Variants in KYAT3 observed in about 807,000 individuals in gnomAD.
KYAT3 encodes the protein kynurenine aminotransferase 3.
A neutral mutation model predicts 59.0 loss-of-function variants in KYAT3; 50 were observed. The ratio of observed to expected loss-of-function variants is 0.85; its 90% CI spans 0.68 to 1.07. The LOEUF is 1.07. Ranked by LOEUF, KYAT3 falls within the 50% of genes least tolerant of loss-of-function variation. The pLI, the probability that KYAT3 is intolerant of heterozygous loss-of-function variation, is 0.00. For synonymous variants in KYAT3, 148 were observed against 177.0 expected, an observed-to-expected ratio of 0.84 and a Z score of 1.30; for missense variants, 497 against 533.3, an observed-to-expected ratio of 0.93 and a Z score of 0.67.
At chr1:88,986,307 C>T (rs1677452420) in intron 2 of KYAT3, among the ~76,000 whole-genome samples, 1 of 149,308 alleles carries the variant, frequency 6.7e-6, no homozygotes, top group South Asian at 2.1e-4. Flanking sequence ...AAATTTTAGA[C>T]TCTCTTAAAA....
At chr1:88,931,392 T>C (rs536602787), downstream of KYAT3, among the ~76,000 whole-genome samples, 7 of 152,306 alleles carry the variant, frequency 4.6e-5, no homozygotes, top group East Asian at 1.2e-3. Context: ...TAAGATCTAC[T>C]GCGGACCCCT....
intron 2 of KYAT3, among the ~76,000 whole-genome samples, chr1:88,979,246 ATTTC>A (rs2101073912): frequency 6.6e-6 from 1 of 152,256 alleles, no homozygotes; most frequent in East Asian, 1.9e-4. Context: ...CTCAGTTTGC[ATTTC>A]TTTACTTGAG....
chr1:88,951,996 T>C (rs1570786585), intron 10 of KYAT3, among the ~76,000 whole-genome samples: 1 of 152,150 alleles, frequency 6.6e-6, no homozygotes, highest in African/African-American at 2.4e-5. Flanking sequence ...GGAAATGTGT[T>C]GACGGAAGCA....
At chr1:88,925,716 AGAG>A in the KYAT3 span, among the ~76,000 whole-genome samples, 1 of 151,534 alleles carries the variant, frequency 6.6e-6, no homozygotes, top group Non-Finnish European at 1.5e-5. Context: ...GAGGAGAGAC[AGAG>A]GAGAGAGAGA....
intron 2 of KYAT3, chr1:88,982,462 C>T: frequency 9.4e-7 from 1 of 1,063,116 alleles, no homozygotes; most frequent in Non-Finnish European, 1.3e-6. Flanking sequence ...GTCATAAAGT[C>T]AAATAAAATT....
intron 2 of KYAT3, chr1:88,982,975 T>C: frequency 6.2e-7 from 1 of 1,613,646 alleles, no homozygotes; most frequent in Non-Finnish European, 8.5e-7. Context: ...AACTCTCATA[T>C]GAATCTCTGT....
chr1:88,984,135 G>T (rs1003774445), intron 2 of KYAT3: 3 of 311,708 alleles, frequency 9.6e-6, no homozygotes, highest in East Asian at 6.6e-5. Flanking sequence ...GATGCTTAAA[G>T]ATACATAAAA....
chr1:88,962,180 A>G, intron 5 of KYAT3, 35 bp from the exon 6 acceptor site: 1 of 1,409,926 alleles, frequency 7.1e-7, no homozygotes. Context: ...CAACCTGTCA[A>G]TCATTTATTC....
At chr1:88,982,512 T>TA in intron 2 of KYAT3, 1 of 1,288,402 alleles carries the variant, frequency 7.8e-7, no homozygotes, top group Non-Finnish European at 1.0e-6. Flanking sequence ...ACATAAAAAT[T>TA]ACGGAAGGGA....
intron 2 of KYAT3, 143 bp downstream of exon 2, chr1:88,988,109 C>T (rs1376556300): frequency 8.7e-6 from 5 of 572,726 alleles, no homozygotes; most frequent in Non-Finnish European, 1.6e-5. Context: ...CAATTCTAGT[C>T]AATGACAAGA....
chr1:88,972,846 A>T (rs1676603811), intron 2 of KYAT3, among the ~76,000 whole-genome samples: 1 of 152,248 alleles, frequency 6.6e-6, no homozygotes, highest in African/African-American at 2.4e-5. Context: ...AACAGCAGCA[A>T]ATAATTGTGA....
chr1:88,967,419 C>T (rs922868022), intron 4 of KYAT3, among the ~76,000 whole-genome samples: 17 of 151,636 alleles, frequency 1.1e-4, no homozygotes, highest in African/African-American at 3.1e-4. Flanking sequence ...AAAGTAATTG[C>T]GGTTTTTGTC....
intron 13 of KYAT3, among the ~76,000 whole-genome samples, chr1:88,937,330 GA>G (rs1675078891): frequency 6.6e-6 from 1 of 152,140 alleles, no homozygotes; most frequent in African/African-American, 2.4e-5. Context: ...CCTGAACCGG[GA>G]AAAGGGTATT....
Position 88,965,005 on chromosome 1 carries a change from C to A in KYAT3, c.304-27G>T, listed in dbSNP as rs375150395. On this transcript the variant is annotated intron_variant, in intron 4 of 13. Coordinates refer to ENST00000260508, the MANE Select transcript of KYAT3 (RefSeq NM_001008661.3). ...TGTTGGATTAAAAATAAGAACAAAA[C>A]CTTGAATTTAAATATGGGACCTACT... 128 of 1,572,254 alleles carry A rather than the reference C, an allele frequency of 8.1e-5. No individual in the cohort carries two copies. In the African/African-American group the frequency reaches 1.5e-3, roughly 19 times the overall value.
intron 2 of KYAT3, among the ~76,000 whole-genome samples, chr1:88,977,672 G>A (rs1676853559): frequency 6.6e-6 from 1 of 152,160 alleles, no homozygotes; most frequent in South Asian, 2.1e-4. Context: ...TATAGCATAA[G>A]TATACAATGT....
intron 8 of KYAT3, among the ~76,000 whole-genome samples, chr1:88,958,617 T>G (rs1346825517): frequency 1.3e-5 from 2 of 152,236 alleles, no homozygotes; most frequent in Admixed American, 6.5e-5. Context: ...TGATAGTGGA[T>G]GCTCCAATAG....
At chr1:88,961,056 AG>A in intron 8 of KYAT3, 110 bp downstream of exon 8, 1 of 998,198 alleles carries the variant, frequency 1.0e-6, no homozygotes, top group Non-Finnish European at 1.5e-6. Flanking sequence ...TCATACAGAC[AG>A]ATACCCATTA....
intron 2 of KYAT3, chr1:88,982,522 A>G: frequency 1.5e-6 from 2 of 1,325,694 alleles, no homozygotes; most frequent in Non-Finnish European, 2.0e-6. Context: ...TACGGAAGGG[A>G]CTTAACAGGG....
At chr1:88,986,288 T>C (rs920177267) in intron 2 of KYAT3, among the ~76,000 whole-genome samples, 18 of 150,632 alleles carry the variant, frequency 1.2e-4, no homozygotes, top group African/African-American at 4.2e-4. Context: ...GCTTCTCTGG[T>C]GGACATTTAA....
Sources: gnomAD v4.1 joint callset for allele counts (sites outside exome capture counted in the v4.1 genomes callset) on GRCh38, gnomAD v4.1.1 for gene constraint, MANE v1.5 for transcripts, NCBI Gene and HGNC (gene_info 2026-07-23, HGNC 2026-07-21) for gene names.